CRNKL1: variants seen among roughly 807,000 people sequenced by gnomAD.
CRNKL1 encodes crooked neck pre-mRNA splicing factor 1, also known as crooked neck-like protein 1.
In CRNKL1, 35 loss-of-function variants were observed where a neutral mutation model predicts 103.7. That is an observed-to-expected ratio of 0.34 (90% confidence interval 0.26 to 0.45). The LOEUF (loss-of-function observed/expected upper bound fraction) is 0.45. CRNKL1 is among the 20% of genes least tolerant of loss of function. The pLI is 1.00. For synonymous variants in CRNKL1, 267 were observed against 282.6 expected, an observed-to-expected ratio of 0.94 and a Z score of 0.55; for missense variants, 645 against 836.0, an observed-to-expected ratio of 0.77 and a Z score of 2.82.
chr20:20,052,879 C>A (rs2043862186), upstream of CRNKL1: 2 of 681,266 alleles, frequency 2.9e-6, no homozygotes. Context: ...TCTCTGGGTC[C>A]ACGCCCCCTC....
chr20:20,048,573 T>C, intron 3 of CRNKL1, 72 bp from the exon 4 acceptor site: 2 of 1,476,900 alleles, frequency 1.4e-6, no homozygotes, highest in Admixed American at 1.8e-5. Context: ...TCAAACTATC[T>C]GGAATGCACT....
At chr20:20,053,992 C>G (rs1031725439), upstream of CRNKL1, among the ~76,000 whole-genome samples, 5 of 113,538 alleles carry the variant, frequency 4.4e-5, no homozygotes, top group Admixed American at 4.5e-4. Context: ...CAGTTCATCT[C>G]TGTGTGTGTT....
upstream of CRNKL1, chr20:20,052,664 C>T: frequency 1.9e-6 from 3 of 1,613,346 alleles, no homozygotes; most frequent in Non-Finnish European, 2.5e-6. Context: ...ATCCCCAGGT[C>T]AGCCTCCGGA....
Position 20,042,270 on chromosome 20 carries a change from T to C in CRNKL1, c.1164+55A>G, listed in dbSNP as rs376257827. ...ACAAACATCCACAATAGGTGAGCTG[T>C]GAATACAGAAGACAGGAAACCATTA... On this transcript the variant is annotated intron_variant, in intron 8 of 13. Coordinates refer to ENST00000536226, the MANE Select transcript of CRNKL1 (RefSeq NM_001278628.2). 5.7e-5 allele frequency: 83 copies of C among 1,454,614 alleles called. No individual in the cohort carries two copies. In the South Asian group the frequency reaches 1.1e-3, roughly 19 times the overall value. 90.1% of individuals were successfully genotyped at this position (1,454,614 alleles called of 1,614,324 possible). A position where few individuals can be genotyped will look rare whatever the true frequency, so the allele number is the denominator to read the frequency against.
At chr20:20,046,941 G>T (rs1256103101) in intron 5 of CRNKL1, among the ~76,000 whole-genome samples, 4 of 152,240 alleles carry the variant, frequency 2.6e-5, no homozygotes, top group African/African-American at 9.6e-5. Context: ...TCTGCAAATA[G>T]TGAGGAATGA....
In CRNKL1 at chr20:20,037,439, G is replaced by A. The variant is rs1221092049; in HGVS notation, c.1780C>T (p.Leu594=). 3.7e-6 allele frequency: 6 copies of A among 1,614,124 alleles called. No individual in the cohort carries two copies. Among genetic ancestry groups the A allele is most frequent in the Non-Finnish European group, 5.1e-6 (6 of 1,180,026 alleles). Residue 594 remains leucine, a synonymous_variant, in exon 13 of 14, where the codon CTG becomes TTG. Coordinates refer to ENST00000536226, the MANE Select transcript of CRNKL1 (RefSeq NM_001278628.2). ...TCTTCAAAACTTCGCCAAGATTCCA[G>A]CAGCATAAGTCTCTCTTCCTTTTCT... ...CEEKEERLML[L]ESWRSFEEEF...
intron 6 of CRNKL1, 101 bp downstream of exon 6, chr20:20,045,207 C>A: frequency 1.0e-6 from 1 of 974,954 alleles, no homozygotes; most frequent in Non-Finnish European, 1.5e-6. Flanking sequence ...AACATCTTTC[C>A]AGGGATATGT....
chr20:20,039,698 C>G lies in CRNKL1; in HGVS notation c.1456G>C (p.Ala486Pro), dbSNP rs199693722. Residue 486 changes from alanine (A) to proline (P), a missense_variant, in exon 11 of 14, where the codon GCT (alanine) becomes CCT (proline). Ala to Pro is a conservative substitution (Grantham distance 27). Around this residue, in one of 2 missense-constraint regions of CRNKL1, gnomAD observed 582 missense variants for 707.7 expected, o/e 0.82. Coordinates refer to ENST00000536226, the MANE Select transcript of CRNKL1 (RefSeq NM_001278628.2). ...PENCTSWIKF[A>P]ELETILGDID... ...TCACCAAGGATTGTCTCTAATTCAG[C>G]GAATTTAATCCATGAGGTACAATTT... is the stretch of plus-strand genomic sequence containing the variant. 3.3e-5 allele frequency: 53 copies of G among 1,614,142 alleles called. No individual in the cohort carries two copies. The South Asian group carries it at 5.8e-4, about 18-fold the overall frequency.
In CRNKL1 at chr20:20,040,480, T is replaced by C. The variant is rs140050409; in HGVS notation, c.1305+206A>G. Among the ~76,000 whole-genome samples the C allele has an allele frequency of 2.9e-4, 44 of 152,348 alleles. 1 individual carries two copies. The East Asian group carries it at 8.5e-3, about 29-fold the overall frequency. On this transcript the variant is annotated intron_variant, in intron 10 of 13. Coordinates refer to ENST00000536226, the MANE Select transcript of CRNKL1 (RefSeq NM_001278628.2). ...AGTTTCCAATATTGAAACAGAATGT[T>C]AATTTGCCCCAGGTAATAAGAATAA...
At chr20:20,048,649 T>C in intron 3 of CRNKL1, 148 bp from the exon 4 acceptor site, 1 of 686,046 alleles carries the variant, frequency 1.5e-6, no homozygotes, top group Admixed American at 2.9e-5. Context: ...GATATAATGC[T>C]CTCAAGTACC....
chr20:20,044,971 G>C (rs1048805366), intron 6 of CRNKL1, among the ~76,000 whole-genome samples: 1 of 152,096 alleles, frequency 6.6e-6, no homozygotes, highest in African/African-American at 2.4e-5. Flanking sequence ...CTGTTCTAGG[G>C]CTTTAAGCTT....
intron 2 of CRNKL1, 64 bp from the exon 3 acceptor site, chr20:20,049,495 C>A: frequency 1.2e-6 from 1 of 813,986 alleles, no homozygotes. Context: ...CACCCTTGGT[C>A]TATTTTAAGT....
chr20:20,046,080 C>A (rs1235892645), intron 5 of CRNKL1, among the ~76,000 whole-genome samples: 5 of 152,170 alleles, frequency 3.3e-5, no homozygotes, highest in African/African-American at 1.2e-4. Context: ...TCATTTTAAT[C>A]TATCTTCCTT....
chr20:20,049,587 A>G (rs2043652095), intron 2 of CRNKL1, among the ~76,000 whole-genome samples, 156 bp from the exon 3 acceptor site: 1 of 152,206 alleles, frequency 6.6e-6, no homozygotes, highest in Non-Finnish European at 1.5e-5. Flanking sequence ...GAAACCCACT[A>G]CAGAAGGTTA....
At chr20:20,046,159 C>T (rs1006060678) in intron 5 of CRNKL1, among the ~76,000 whole-genome samples, 2 of 152,168 alleles carry the variant, frequency 1.3e-5, no homozygotes, top group African/African-American at 4.8e-5. Context: ...AGTTCTGAAG[C>T]TGCTCTACTA....
Position 20,047,784 on chromosome 20 carries a change from G to C in CRNKL1, c.603C>G (p.Ala201=). Residue 201 remains alanine (A), a synonymous_variant, in exon 5 of 14, where the codon GCC becomes GCG. Coordinates refer to ENST00000536226, the MANE Select transcript of CRNKL1 (RefSeq NM_001278628.2). ...GGATATATCGCTCATAAATGGTGCGGGCCCGATCCACCTCTTTGTATCTCA... is the reference window on the plus strand; with the variant it reads ...GGATATATCGCTCATAAATGGTGCGCGCCCGATCCACCTCTTTGTATCTCA... ...FELRYKEVDR[A]RTIYERFVLV... 1 of 1,614,214 alleles carries C rather than the reference G, an allele frequency of 6.2e-7. No individual in the cohort carries two copies. The highest frequency in any genetic ancestry group is 8.5e-7 in the Non-Finnish European group (1 of 1,180,048).
At chr20:20,054,013 G>GTTTTTTTTTTTT (rs1239349657), upstream of CRNKL1, among the ~76,000 whole-genome samples, 44 of 59,048 alleles carry the variant, frequency 7.5e-4, no homozygotes, top group Non-Finnish European at 9.5e-4. Context: ...TTTTTTGTTT[G>GTTTTTTTTTTTT]TTTTTTTTTT....
chr20:20,040,441 C>G (rs12624882), intron 10 of CRNKL1, among the ~76,000 whole-genome samples: 14,068 of 151,874 alleles, frequency 0.093, 1,529 homozygotes, highest in East Asian at 0.6. Context: ...GATTTAGTAA[C>G]TGGTAGCTAT....
In CRNKL1 at chr20:20,050,485, T is replaced by C; in HGVS notation, c.189A>G (p.Lys63=). 1 of 1,613,554 alleles carries C rather than the reference T, an allele frequency of 6.2e-7. No individual in the cohort carries two copies. The highest frequency in any genetic ancestry group is 8.5e-7 in the Non-Finnish European group (1 of 1,179,824). ...ITDEEELNDY[K]LRKRKTFEDN... is the part of the protein sequence containing the mutation. ...ACTGACTGACCTTCCTTTTCCTTAG[T>C]TTATAATCATTTAATTCTTCTTCAT... is the stretch of plus-strand genomic sequence containing the variant. Residue 63 remains lysine, a synonymous_variant, in exon 2 of 14, where the codon AAA becomes AAG. Coordinates refer to ENST00000536226, the MANE Select transcript of CRNKL1 (RefSeq NM_001278628.2).
Sources: gnomAD v4.1 joint callset for allele counts (sites outside exome capture counted in the v4.1 genomes callset) on GRCh38, gnomAD v4.1.1 for gene constraint, gnomAD v4.1.1 regional missense constraint, MANE v1.5 for transcripts, NCBI Gene and HGNC (gene_info 2026-07-23, HGNC 2026-07-21) for gene names.